The following CAPZA1 variants were observed in gnomAD, a reference collection of about 807,000 sequenced individuals.
CAPZA1 encodes F-actin-capping protein subunit alpha-1.
A neutral mutation model predicts 40.8 loss-of-function variants in CAPZA1; 10 were observed. That is an observed-to-expected ratio of 0.25 (90% CI 0.15 to 0.42). The LOEUF (loss-of-function observed/expected upper bound fraction) is 0.42, where lower values mean the gene tolerates loss of function less well. Among genes scored for constraint, CAPZA1 ranks in the 10% least tolerant of loss-of-function variants. The probability of loss-of-function intolerance (pLI) is 1.00; values close to 1 mark genes in which losing one functional copy is unlikely to be tolerated. For missense variants in CAPZA1, 277 were observed against 353.8 expected (o/e 0.78, Z 1.74); for synonymous variants, 98 against 115.0 (o/e 0.85, Z 0.95).
chr1:112,669,678 C>T (rs1671793627), intron 9 of CAPZA1, 73 bp downstream of exon 9: 7 of 1,101,590 alleles, frequency 6.4e-6, no homozygotes, highest in Non-Finnish European at 9.6e-6. Flanking sequence ...TTTGTTAGGC[C>T]TTGTGTCCTT....
intron 1 of CAPZA1, 186 bp downstream of exon 1, chr1:112,620,069 T>C: frequency 1.8e-6 from 1 of 546,974 alleles, no homozygotes; most frequent in Non-Finnish European, 3.3e-6. Context: ...GTGGCCCCAG[T>C]TCCTCGTTCC....
rs1671801838 is a variant in CAPZA1, at chr1:112,670,224, T to C, written c.*92T>C. 4.1e-6 allele frequency: 6 copies of C among 1,473,672 alleles called. No individual in the cohort carries two copies. The highest frequency in any genetic ancestry group is 1.8e-5 in the Admixed American group (1 of 55,278). The allele number at this position is 1,473,672 out of a possible 1,614,324, so 91.3% of individuals were successfully genotyped here. On this transcript the variant is annotated 3_prime_UTR_variant, in exon 10 of 10. Coordinates refer to ENST00000263168, the MANE Select transcript of CAPZA1 (RefSeq NM_006135.3). ...AAGTGATTTATAAACAAGAGTGATATTTTGCTAGGGCTTTCAAAGTTAACC... is the reference window on the plus strand; with the variant it reads ...AAGTGATTTATAAACAAGAGTGATACTTTGCTAGGGCTTTCAAAGTTAACC...
intron 1 of CAPZA1, among the ~76,000 whole-genome samples, chr1:112,643,644 TCTAGTTAG>T (rs374125830): frequency 7.9e-5 from 12 of 152,320 alleles, no homozygotes; most frequent in African/African-American, 2.6e-4. Flanking sequence ...GAATCACAAA[TCTAGTTAG>T]CTAATGGACC....
intron 3 of CAPZA1, chr1:112,649,676 TA>T: frequency 3.9e-6 from 2 of 513,020 alleles, no homozygotes; most frequent in East Asian, 7.1e-5. Flanking sequence ...ATATATGAAC[TA>T]GTTTTTATTT....
chr1:112,667,293 CACCA>C, intron 8 of CAPZA1, 148 bp downstream of exon 8: 1 of 598,922 alleles, frequency 1.7e-6, no homozygotes, highest in South Asian at 2.1e-5. Flanking sequence ...TGCCTCTTAT[CACCA>C]ACCAGCATAT....
chr1:112,667,727 T>G (rs2101193632), intron 8 of CAPZA1, among the ~76,000 whole-genome samples: 1 of 151,646 alleles, frequency 6.6e-6, no homozygotes, highest in African/African-American at 2.4e-5. Flanking sequence ...AGAGATGAGG[T>G]TTCTATGTTG....
rs1004912273 is a variant in CAPZA1 at position 112,659,752 on chromosome 1, C to G, written c.558C>G (p.Ala186=). The G allele has an allele frequency of 1.3e-5, 21 of 1,613,262 alleles. No homozygotes were observed. The highest frequency in any genetic ancestry group is 1.7e-5 in the Non-Finnish European group (20 of 1,179,480). Residue 186 remains alanine (A), a synonymous_variant, in exon 7 of 10, where the codon GCC becomes GCG. Coordinates refer to ENST00000263168, the MANE Select transcript of CAPZA1 (RefSeq NM_006135.3). The part of the protein sequence containing the change: ...EWKFTITPPT[A]QVVGVLKIQV... ...AGTTCACCATCACACCACCTACAGC[C>G]CAGGTGGTTGGCGTGCTTAAGATTC...
At chr1:112,647,900 G>A (rs538645716) in intron 2 of CAPZA1, among the ~76,000 whole-genome samples, 1 of 152,276 alleles carries the variant, frequency 6.6e-6, no homozygotes, top group Non-Finnish European at 1.5e-5. Flanking sequence ...ATGTGATGGA[G>A]CATCTTAAAC....
intron 7 of CAPZA1, among the ~76,000 whole-genome samples, chr1:112,662,622 A>T (rs1481437834): frequency 6.6e-6 from 1 of 151,042 alleles, no homozygotes; most frequent in Non-Finnish European, 1.5e-5. Context: ...CTGGTCTCGA[A>T]CTCCTGACCT....
intron 1 of CAPZA1, among the ~76,000 whole-genome samples, chr1:112,637,966 ACT>A (rs1671054525): frequency 6.6e-6 from 1 of 152,036 alleles, no homozygotes; most frequent in South Asian, 2.1e-4. Flanking sequence ...CAGTTTATTG[ACT>A]CTTGCTCTAT....
At chr1:112,637,523 C>T (rs1671044479) in intron 1 of CAPZA1, among the ~76,000 whole-genome samples, 1 of 152,244 alleles carries the variant, frequency 6.6e-6, no homozygotes, top group South Asian at 2.1e-4. Context: ...TCATAGCTCA[C>T]TGCAGCCTTG....
At chr1:112,652,213 G>T (rs1027055502) in intron 3 of CAPZA1, among the ~76,000 whole-genome samples, 1 of 151,766 alleles carries the variant, frequency 6.6e-6, no homozygotes, top group Non-Finnish European at 1.5e-5. Flanking sequence ...TGGGCACGGT[G>T]GTTCATGCCT....
chr1:112,636,894 A>G (rs1224578136), intron 1 of CAPZA1, among the ~76,000 whole-genome samples: 1 of 152,156 alleles, frequency 6.6e-6, no homozygotes, highest in African/African-American at 2.4e-5. Flanking sequence ...GCTTTGACCC[A>G]GTTTTGAAGT....
At chr1:112,624,852 T>C (rs1670775755) in intron 1 of CAPZA1, among the ~76,000 whole-genome samples, 1 of 152,146 alleles carries the variant, frequency 6.6e-6, no homozygotes, top group South Asian at 2.1e-4. Context: ...AATCTCTACT[T>C]TAAAAATTGA....
chr1:112,645,595 C>G (rs1408329522), intron 1 of CAPZA1, among the ~76,000 whole-genome samples: 6 of 152,146 alleles, frequency 3.9e-5, no homozygotes, highest in Non-Finnish European at 7.4e-5. Flanking sequence ...GATCACACCA[C>G]TGCACTCTAG....
intron 3 of CAPZA1, among the ~76,000 whole-genome samples, chr1:112,651,435 A>G (rs1671383621): frequency 6.6e-6 from 1 of 152,202 alleles, no homozygotes; most frequent in Admixed American, 6.5e-5. Flanking sequence ...GTTGGACTAG[A>G]GTGGTAGCAG....
rs767781050 is a variant in CAPZA1, at chr1:112,649,395, A to G, written c.104-23A>G. ...TTCTCAAATTTATCCTCCACTGAAC[A>G]TTGTAACATTTTTCCTCCTCAGACG... is the stretch of plus-strand genomic sequence containing the variant. On this transcript the variant is annotated intron_variant, in intron 2 of 9. Coordinates refer to ENST00000263168, the MANE Select transcript of CAPZA1 (RefSeq NM_006135.3). The G allele has an allele frequency of 4.4e-6, 7 of 1,595,928 alleles. No individual in the cohort carries two copies. The Admixed American group carries it at 5.1e-5, about 12-fold the overall frequency.
chr1:112,638,108 T>G (rs1671057969), intron 1 of CAPZA1, among the ~76,000 whole-genome samples: 1 of 152,132 alleles, frequency 6.6e-6, no homozygotes, highest in Admixed American at 6.6e-5. Flanking sequence ...CAACAGCTAA[T>G]TTATATATGG....
At chr1:112,648,009 G>A (rs908406569) in intron 2 of CAPZA1, among the ~76,000 whole-genome samples, 6 of 152,162 alleles carry the variant, frequency 3.9e-5, no homozygotes, top group African/African-American at 1.4e-4. Flanking sequence ...TCTTGGTTCA[G>A]TTTAGCAAAC....
Sources: gnomAD v4.1 joint callset for allele counts (sites outside exome capture counted in the v4.1 genomes callset) on GRCh38, gnomAD v4.1.1 for gene constraint, MANE v1.5 for transcripts, NCBI Gene and HGNC (gene_info 2026-07-23, HGNC 2026-07-21) for gene names.